The following XYLT1 variants were observed in gnomAD, a reference collection of about 807,000 sequenced individuals.
XYLT1 encodes the protein beta-D-xylosyltransferase 1.
In XYLT1, 36 loss-of-function variants were observed where a neutral mutation model predicts 91.3. The observed-to-expected ratio is 0.39, with a 90% CI of 0.30 to 0.52. The LOEUF is 0.52. Ranked by LOEUF, XYLT1 falls within the 20% of genes least tolerant of loss-of-function variation. The pLI is 0.68. For missense variants in XYLT1, 1,242 were observed against 1,284.5 expected, an observed-to-expected ratio of 0.97 and a Z score of 0.51; for synonymous variants, 588 against 532.0, an observed-to-expected ratio of 1.11 and a Z score of -1.45.
intron 3 of XYLT1, among the ~76,000 whole-genome samples, chr16:17,240,439 A>AC (rs1373267368): frequency 3.9e-5 from 6 of 152,290 alleles, no homozygotes; most frequent in African/African-American, 1.4e-4. Context: ...ATGAAGATTC[A>AC]CTTGGGAGAG....
chr16:17,253,294 C>T (rs1438064951), intron 3 of XYLT1, among the ~76,000 whole-genome samples: 8 of 152,154 alleles, frequency 5.3e-5, no homozygotes, highest in African/African-American at 7.2e-5. Context: ...CAAATTAAAG[C>T]GTCGCTGAGG....
rs549666182 is a variant in XYLT1 at position 17,280,525 on chromosome 16, GA to G, written c.403-21028del. ...AATTCAAAATGTATTAAAATGTACA[GA>G]AAAATAATACAGTGCCCTTCCATGT... On this transcript the variant is annotated intron_variant, in intron 2 of 11. Transcript: ENST00000261381. Among the ~76,000 whole-genome samples, 255 of 152,160 alleles carry G rather than the reference GA, an allele frequency of 1.7e-3. 1 individual carries two copies. The highest frequency in any genetic ancestry group is 4.3e-3 in the African/African-American group (178 of 41,522).
intron 6 of XYLT1, among the ~76,000 whole-genome samples, chr16:17,153,590 C>T (rs952124574): frequency 1.3e-5 from 2 of 152,192 alleles, no homozygotes; most frequent in African/African-American, 4.8e-5. Flanking sequence ...TCTAAGCTAA[C>T]TTTAAATAGC....
intron 11 of XYLT1, among the ~76,000 whole-genome samples, chr16:17,111,407 A>T (rs1337633846): frequency 6.6e-6 from 1 of 152,182 alleles, no homozygotes; most frequent in African/African-American, 2.4e-5. Context: ...ATATTTTTAA[A>T]AAGGCTGGCC....
chr16:17,197,014 A>AATATATATATATAT (rs536988187), intron 5 of XYLT1, among the ~76,000 whole-genome samples: 1,454 of 110,084 alleles, frequency 0.013, 71 homozygotes, highest in African/African-American at 0.016. Flanking sequence ...CTGTCTCCAA[A>AATATATATATATAT]ATATATATAT....
At chr16:17,424,867 C>CAA (rs57342754) in intron 1 of XYLT1, among the ~76,000 whole-genome samples, 39 of 75,980 alleles carry the variant, frequency 5.1e-4, no homozygotes, top group East Asian at 1.2e-3. Context: ...GACTCCATCT[C>CAA]AAAAAAAAAA....
intron 2 of XYLT1, among the ~76,000 whole-genome samples, chr16:17,317,475 A>C (rs996856046): frequency 2.0e-5 from 3 of 151,322 alleles, no homozygotes; most frequent in Non-Finnish European, 4.4e-5. Context: ...ACTACACAAA[A>C]TACAAAACTT....
chr16:17,424,968 G>C (rs1401782763), intron 1 of XYLT1, among the ~76,000 whole-genome samples: 2 of 151,624 alleles, frequency 1.3e-5, no homozygotes, highest in African/African-American at 4.8e-5. Context: ...TTTAGGTGCT[G>C]AATCAGCATC....
chr16:17,470,664 G>T lies in XYLT1; in HGVS notation c.133C>A (p.Arg45Ser), dbSNP rs1435025569. ...CCGCCGACCGCTGCGCCCCCGCGGC[G>T]CTCCCCGGCCCCGGAGTCGAGGCTG... ...FSSLDSGAGE[R>S]RGGAAVGGGE... is the part of the protein sequence containing the mutation. Residue 45 changes from arginine to serine, a missense_variant, in exon 1 of 12, where the codon CGC becomes AGC. This residue lies in a region of XYLT1 where 437 missense variants were observed against 411.5 expected (regional missense o/e 1.06). Transcript: ENST00000261381. 8.8e-6 allele frequency: 10 copies of T among 1,136,610 alleles called. No individual in the cohort carries two copies. Among genetic ancestry groups the T allele is most frequent in the Non-Finnish European group, 9.9e-6 (9 of 911,238 alleles). 70.4% of individuals were successfully genotyped at this position (1,136,610 alleles called of 1,614,324 possible).
intron 2 of XYLT1, among the ~76,000 whole-genome samples, chr16:17,276,681 G>C (rs191213681): frequency 6.4e-4 from 97 of 152,262 alleles, no homozygotes; most frequent in Non-Finnish European, 1.1e-3. Flanking sequence ...GTAGGCCATG[G>C]AAATCATGGT....
chr16:17,351,557 C>T (rs2035219944), intron 2 of XYLT1, among the ~76,000 whole-genome samples: 1 of 152,066 alleles, frequency 6.6e-6, no homozygotes, highest in Non-Finnish European at 1.5e-5. Flanking sequence ...GTGTCACAAC[C>T]ACAGCCTACA....
intron 2 of XYLT1, among the ~76,000 whole-genome samples, chr16:17,322,906 T>A (rs2034745619): frequency 6.6e-6 from 1 of 152,218 alleles, no homozygotes; most frequent in African/African-American, 2.4e-5. Flanking sequence ...TGGCATGATG[T>A]TTGGCACAAA....
intron 3 of XYLT1, among the ~76,000 whole-genome samples, chr16:17,226,534 T>C (rs2033069219): frequency 6.6e-6 from 1 of 152,204 alleles, no homozygotes. Context: ...ACACCTGTAA[T>C]CCCAGCACTT....
At chr16:17,441,808 G>C (rs1331280628) in intron 1 of XYLT1, among the ~76,000 whole-genome samples, 1 of 152,186 alleles carries the variant, frequency 6.6e-6, no homozygotes, top group African/African-American at 2.4e-5. Context: ...TAAAGATCCA[G>C]CTCTCTACAA....
intron 2 of XYLT1, among the ~76,000 whole-genome samples, chr16:17,333,124 G>A (rs1028128454): frequency 7.9e-5 from 12 of 151,994 alleles, no homozygotes; most frequent in African/African-American, 2.7e-4. Flanking sequence ...ACTGTGTTCC[G>A]GGCTTTTCTC....
intron 1 of XYLT1, among the ~76,000 whole-genome samples, chr16:17,442,797 C>T (rs1315355617): frequency 6.6e-6 from 1 of 152,216 alleles, no homozygotes; most frequent in Non-Finnish European, 1.5e-5. Context: ...AAGACAAAAA[C>T]AAGATCGCCT....
At chr16:17,326,895 A>G (rs898832487) in intron 2 of XYLT1, among the ~76,000 whole-genome samples, 1 of 152,300 alleles carries the variant, frequency 6.6e-6, no homozygotes, top group Admixed American at 6.5e-5. Flanking sequence ...TGCAAAATTA[A>G]TTAAGAATCT....
At chr16:17,332,255 G>A (rs2034908783) in intron 2 of XYLT1, among the ~76,000 whole-genome samples, 1 of 152,174 alleles carries the variant, frequency 6.6e-6, no homozygotes, top group Non-Finnish European at 1.5e-5. Context: ...ATGGGGTGAA[G>A]TGGAGGCGAT....
At chr16:17,189,626 A>G (rs1409537344) in intron 5 of XYLT1, among the ~76,000 whole-genome samples, 1 of 152,262 alleles carries the variant, frequency 6.6e-6, no homozygotes, top group African/African-American at 2.4e-5. Context: ...ACATGATAGA[A>G]TATCAGCCAT....
Sources: gnomAD v4.1 joint callset for allele counts (sites outside exome capture counted in the v4.1 genomes callset) on GRCh38, gnomAD v4.1.1 for gene constraint, gnomAD v4.1.1 regional missense constraint, MANE v1.5 for transcripts, NCBI Gene and HGNC (gene_info 2026-07-23, HGNC 2026-07-21) for gene names.